SUSD1: variants seen among roughly 807,000 people sequenced by gnomAD.
SUSD1 encodes the protein sushi domain-containing protein 1.
In SUSD1, 65 loss-of-function variants were observed where a neutral mutation model predicts 86.9. That is an observed-to-expected ratio of 0.75 (90% CI 0.61 to 0.92). SUSD1 has a LOEUF of 0.92. SUSD1 is among the 40% of genes least tolerant of loss of function. The pLI, the probability that SUSD1 is intolerant of heterozygous loss-of-function variation, is 0.00. For synonymous variants in SUSD1, 346 were observed against 350.0 expected, an observed-to-expected ratio of 0.99 and a Z score of 0.13; for missense variants, 850 against 929.7, an observed-to-expected ratio of 0.91 and a Z score of 1.11.
At chr9:112,049,355 T>A (rs1828091311) in intron 15 of SUSD1, among the ~76,000 whole-genome samples, 1 of 152,220 alleles carries the variant, frequency 6.6e-6, no homozygotes, top group South Asian at 2.1e-4. Flanking sequence ...CACAGACTCA[T>A]AATACTCTGT....
chr9:112,122,304 G>A (rs185430108), intron 6 of SUSD1, among the ~76,000 whole-genome samples: 3 of 152,250 alleles, frequency 2.0e-5, no homozygotes, highest in East Asian at 3.9e-4. Context: ...GGGACTACAG[G>A]TGTGCACCGC....
intron 2 of SUSD1, among the ~76,000 whole-genome samples, chr9:112,150,335 AC>A (rs1402123926): frequency 2.0e-5 from 3 of 152,234 alleles, no homozygotes; most frequent in Non-Finnish European, 4.4e-5. Context: ...GAGCTGATCT[AC>A]ACAGTTAGCT....
chr9:112,145,788 C>A (rs12339432), intron 3 of SUSD1, among the ~76,000 whole-genome samples: 36,436 of 152,020 alleles, frequency 0.24, 4,812 homozygotes, highest in African/African-American at 0.34. Context: ...CACCCTCACA[C>A]AAGAAGTGCC....
At chr9:112,162,997 T>G (rs1440271856) in intron 1 of SUSD1, among the ~76,000 whole-genome samples, 1 of 152,222 alleles carries the variant, frequency 6.6e-6, no homozygotes, top group Non-Finnish European at 1.5e-5. Context: ...CCTTCAAGTT[T>G]TATGCTTGAA....
chr9:112,064,868 T>A (rs1285573582), intron 12 of SUSD1, among the ~76,000 whole-genome samples: 11 of 143,864 alleles, frequency 7.6e-5, no homozygotes, highest in African/African-American at 2.8e-4. Flanking sequence ...AGAGTGAGAC[T>A]CTGTCTCAGA....
chr9:112,083,089 CAG>C (rs1339519331), intron 10 of SUSD1, among the ~76,000 whole-genome samples: 1 of 151,800 alleles, frequency 6.6e-6, no homozygotes, highest in African/African-American at 2.4e-5. Flanking sequence ...ATAGCAGCAA[CAG>C]AAAACTAATA....
intron 14 of SUSD1, among the ~76,000 whole-genome samples, chr9:112,053,106 G>C (rs1452701778): frequency 1.3e-5 from 2 of 152,156 alleles, no homozygotes; most frequent in Non-Finnish European, 2.9e-5. Context: ...AAGCTGCACG[G>C]TGAGGGTTAG....
chr9:112,152,739 AT>A (rs1298343871), intron 2 of SUSD1, among the ~76,000 whole-genome samples: 9 of 93,874 alleles, frequency 9.6e-5, no homozygotes, highest in East Asian at 3.1e-4. Context: ...TTCTTCTATT[AT>A]TTTTTTTAAT....
rs575157845 is a variant in SUSD1 at position 112,161,603 on chromosome 9, A to G, written c.104-3990T>C. On this transcript the variant is annotated intron_variant, in intron 1 of 16. Coordinates refer to ENST00000374270, the MANE Select transcript of SUSD1 (RefSeq NM_022486.5). ...TTCGGGAGGTCAAGGTGGGCAGATCACCTAAGGTCAGGAGTTTGAGACCAG... is the reference window on the plus strand; with the variant it reads ...TTCGGGAGGTCAAGGTGGGCAGATCGCCTAAGGTCAGGAGTTTGAGACCAG... Among the ~76,000 whole-genome samples the G allele has an allele frequency of 6.6e-5, 10 of 152,106 alleles. No homozygotes were observed. The East Asian group carries it at 1.9e-3, about 29-fold the overall frequency.
intron 10 of SUSD1, among the ~76,000 whole-genome samples, chr9:112,096,936 G>A (rs1205080737): frequency 6.6e-6 from 1 of 152,104 alleles, no homozygotes; most frequent in Non-Finnish European, 1.5e-5. Flanking sequence ...AAATGTGTTG[G>A]GGGGTAGGTT....
chr9:112,158,231 T>A (rs982343186), intron 1 of SUSD1, among the ~76,000 whole-genome samples: 1 of 106,608 alleles, frequency 9.4e-6, no homozygotes, highest in Non-Finnish European at 2.4e-5. Flanking sequence ...CTAACTACTC[T>A]TTCCCTAACA....
chr9:112,159,669 A>T (rs1589745750), intron 1 of SUSD1, among the ~76,000 whole-genome samples: 2 of 152,368 alleles, frequency 1.3e-5, no homozygotes, highest in Admixed American at 1.3e-4. Context: ...AATTCTTAGG[A>T]CAAAGGGAAT....
At chr9:112,096,673 G>A (rs1256646364) in intron 10 of SUSD1, among the ~76,000 whole-genome samples, 2 of 152,028 alleles carry the variant, frequency 1.3e-5, no homozygotes, top group Non-Finnish European at 2.9e-5. Flanking sequence ...CCAAGTAGCT[G>A]GGACCACAGG....
intron 12 of SUSD1, among the ~76,000 whole-genome samples, chr9:112,076,399 G>A (rs1259316627): frequency 6.6e-6 from 1 of 152,184 alleles, no homozygotes; most frequent in African/African-American, 2.4e-5. Context: ...ATTTGGGGAT[G>A]GGATAGAACC....
chr9:112,152,917 G>T (rs939530525), intron 2 of SUSD1, among the ~76,000 whole-genome samples: 1 of 136,842 alleles, frequency 7.3e-6, no homozygotes, highest in Non-Finnish European at 1.5e-5. Flanking sequence ...ACCACACCTG[G>T]CTAATTTTTT....
At chr9:112,058,807 T>C (rs1408584154) in intron 13 of SUSD1, 121 bp from the exon 14 acceptor site, 1 of 1,275,486 alleles carries the variant, frequency 7.8e-7, no homozygotes, top group South Asian at 1.5e-5. Flanking sequence ...GTTTTTTGTT[T>C]TTTTTGAGAT....
At chr9:112,054,320 C>A (rs999226636) in intron 14 of SUSD1, among the ~76,000 whole-genome samples, 2 of 152,178 alleles carry the variant, frequency 1.3e-5, no homozygotes, top group Non-Finnish European at 2.9e-5. Context: ...CACACTGGCT[C>A]ACACCTGTAA....
At position 112,053,129 on chromosome 9, in the gene SUSD1, C is replaced by A. The variant is rs148779852; in HGVS notation, c.2110-691G>T. Among the ~76,000 whole-genome samples the A allele has an allele frequency of 7.9e-5, 12 of 152,228 alleles. 1 individual carries two copies. The East Asian group carries it at 2.3e-3, about 29-fold the overall frequency. The stretch of plus-strand genomic sequence containing the variant: ...CGGTGAGGGTTAGAGGAGGATCCTT[C>A]CAATGTCATTAGGAGAGTCTCTTTC... On this transcript the variant is annotated intron_variant, in intron 14 of 16. Coordinates refer to ENST00000374270, the MANE Select transcript of SUSD1 (RefSeq NM_022486.5).
chr9:112,086,843 A>AAACAAAC (rs141056274), intron 10 of SUSD1, among the ~76,000 whole-genome samples: 1 of 151,102 alleles, frequency 6.6e-6, no homozygotes, highest in African/African-American at 2.5e-5. Context: ...ACAAACAAAC[A>AAACAAAC]AAAAAAACCT....
Sources: gnomAD v4.1 joint callset for allele counts (sites outside exome capture counted in the v4.1 genomes callset) on GRCh38, gnomAD v4.1.1 for gene constraint, MANE v1.5 for transcripts, NCBI Gene and HGNC (gene_info 2026-07-23, HGNC 2026-07-21) for gene names.